CREB5: variants seen among roughly 807,000 people sequenced by gnomAD.
The protein encoded by CREB5 is cAMP responsive element binding protein 5.
In CREB5, 19 loss-of-function variants were observed where a neutral mutation model predicts 57.1. That is an observed-to-expected ratio of 0.33 (90% confidence interval 0.23 to 0.49). The LOEUF (loss-of-function observed/expected upper bound fraction) is 0.49. Ranked by LOEUF, CREB5 falls within the 20% of genes least tolerant of loss-of-function variation. The pLI, the probability that CREB5 is intolerant of heterozygous loss-of-function variation, is 0.99. For missense variants in CREB5, 579 were observed against 671.6 expected (o/e 0.86, Z 1.52); for synonymous variants, 238 against 238.3 (o/e 1.00, Z 0.01).
chr7:28,680,129 T>TGA (rs1282747456), intron 5 of CREB5, among the ~76,000 whole-genome samples: 1 of 152,226 alleles, frequency 6.6e-6, no homozygotes, highest in African/African-American at 2.4e-5. Flanking sequence ...GACCTGCACC[T>TGA]GAGAGTGAGT....
At chr7:28,564,616 A>G (rs1795410531) in intron 4 of CREB5, among the ~76,000 whole-genome samples, 1 of 152,210 alleles carries the variant, frequency 6.6e-6, no homozygotes, top group Admixed American at 6.5e-5. Flanking sequence ...AGAGCAAAGC[A>G]TCCCAAGATA....
intron 4 of CREB5, among the ~76,000 whole-genome samples, chr7:28,549,884 C>T (rs1370173227): frequency 6.6e-6 from 1 of 152,156 alleles, no homozygotes; most frequent in African/African-American, 2.4e-5. Flanking sequence ...TGTGAGCCAG[C>T]AGATGTCACA....
intron 4 of CREB5, among the ~76,000 whole-genome samples, chr7:28,562,602 T>C (rs1052190069): frequency 1.3e-5 from 2 of 152,332 alleles, no homozygotes; most frequent in Non-Finnish European, 2.9e-5. Flanking sequence ...ATTATATCAG[T>C]GTGCAAGCTG....
At chr7:28,714,976 T>C (rs1336375225) in intron 5 of CREB5, among the ~76,000 whole-genome samples, 1 of 152,238 alleles carries the variant, frequency 6.6e-6, no homozygotes, top group East Asian at 1.9e-4. Context: ...GTTGGGTCTT[T>C]GTTTTCACAA....
chr7:28,732,843 GT>G lies in CREB5; in HGVS notation c.702+8524del, dbSNP rs60106222. 1.2e-3 allele frequency among the ~76,000 whole-genome samples: 175 copies of G among 141,498 alleles called. 1 individual carries two copies. The highest frequency in any genetic ancestry group is 5.5e-3 in the East Asian group (26 of 4,760). 92.8% of individuals were successfully genotyped at this position (141,498 alleles called of 152,430 possible). The stretch of plus-strand genomic sequence containing the variant: ...AAAGTTTTCCTAAAGGTTTAGGGTT[GT>G]TTTTTTTTTTTTCTTAAAACCCAAG... On this transcript the variant is annotated intron_variant, in intron 7 of 10. Transcript: ENST00000357727.
intron 1 of CREB5, among the ~76,000 whole-genome samples, chr7:28,363,650 G>T (rs117946355): frequency 6.6e-6 from 1 of 151,778 alleles, no homozygotes; most frequent in Non-Finnish European, 1.5e-5. Flanking sequence ...ACTCATTTTT[G>T]TATCCTCCTT....
At position 28,339,916 on chromosome 7, in the gene CREB5, C is replaced by T. The variant is rs182750384; in HGVS notation, c.-25+40475C>T. Among the ~76,000 whole-genome samples the T allele has an allele frequency of 4.8e-4, 73 of 152,332 alleles. 1 individual carries two copies. The South Asian group carries it at 9.7e-3, about 20-fold the overall frequency. ...AAGGAGTCTCTCCCCATGGCCTGTG[C>T]CACCACAGGCCCACGGGCAGTACTG... On this transcript the variant is annotated intron_variant, in intron 1 of 9. Coordinates refer to the CREB5 transcript ENST00000396299.
At chr7:28,710,151 T>TA (rs1802331147) in intron 5 of CREB5, among the ~76,000 whole-genome samples, 1 of 152,226 alleles carries the variant, frequency 6.6e-6, no homozygotes, top group South Asian at 2.1e-4. Context: ...GGGGTGTTGA[T>TA]AAAAACTACA....
chr7:28,807,055 C>A lies in CREB5; in HGVS notation c.1027-2132C>A, dbSNP rs191407222. Among the ~76,000 whole-genome samples the A allele has an allele frequency of 3.3e-5, 5 of 152,330 alleles. No homozygotes were observed. In the East Asian group the frequency reaches 9.6e-4, roughly 29 times the overall value. On this transcript the variant is annotated intron_variant, in intron 8 of 10. Coordinates refer to ENST00000357727, the MANE Select transcript of CREB5 (RefSeq NM_182898.4). The stretch of plus-strand genomic sequence containing the variant: ...GCCAATAACAAGGATGACGCCTTCA[C>A]TAGCAACTCTGATGAGTAAGACCTT...
intron 5 of CREB5, among the ~76,000 whole-genome samples, chr7:28,635,004 G>C (rs1030239107): frequency 2.0e-5 from 3 of 152,142 alleles, no homozygotes; most frequent in African/African-American, 7.2e-5. Flanking sequence ...GAGGCAGGTA[G>C]TCCAGGGCTG....
intron 7 of CREB5, among the ~76,000 whole-genome samples, chr7:28,751,038 C>T (rs1183847213): frequency 6.6e-6 from 1 of 152,028 alleles, no homozygotes; most frequent in Non-Finnish European, 1.5e-5. Context: ...AATGCCATAT[C>T]GCTGGGTGAA....
At chr7:28,622,452 A>T (rs1185745661) in intron 5 of CREB5, among the ~76,000 whole-genome samples, 1 of 152,194 alleles carries the variant, frequency 6.6e-6, no homozygotes, top group East Asian at 1.9e-4. Context: ...AAATGAAGGG[A>T]CATGCAAAGG....
intron 5 of CREB5, among the ~76,000 whole-genome samples, chr7:28,676,479 G>A (rs1281488042): frequency 6.6e-6 from 1 of 152,114 alleles, no homozygotes; most frequent in Non-Finnish European, 1.5e-5. Context: ...CTCACAGGTC[G>A]CGATCCTCAT....
At chr7:28,674,877 T>C (rs773655699) in intron 5 of CREB5, among the ~76,000 whole-genome samples, 5 of 152,230 alleles carry the variant, frequency 3.3e-5, no homozygotes, top group Admixed American at 6.5e-5. Context: ...TTCTCACCAA[T>C]TAAAATAGAA....
At chr7:28,720,999 G>A in intron 6 of CREB5, among the ~76,000 whole-genome samples, 1 of 152,136 alleles carries the variant, frequency 6.6e-6, no homozygotes, top group East Asian at 1.9e-4. Context: ...CCTACAGCTT[G>A]ACCTCCTGTT....
chr7:28,674,359 T>C (rs1332150684), intron 5 of CREB5, among the ~76,000 whole-genome samples: 1 of 152,150 alleles, frequency 6.6e-6, no homozygotes, highest in Non-Finnish European at 1.5e-5. Context: ...AATGTGTACT[T>C]TGGAGTCATC....
intron 1 of CREB5, among the ~76,000 whole-genome samples, chr7:28,483,360 G>A (rs1296741262): frequency 6.6e-6 from 1 of 152,186 alleles, no homozygotes; most frequent in Non-Finnish European, 1.5e-5. Flanking sequence ...GAATCCAGTG[G>A]CAGTCGAGGG....
intron 7 of CREB5, among the ~76,000 whole-genome samples, chr7:28,785,739 A>T (rs1807285823): frequency 6.6e-6 from 1 of 152,112 alleles, no homozygotes. Flanking sequence ...ATGGGGTGGG[A>T]GTGGGTCAGT....
intron 1 of CREB5, 70 bp downstream of exon 1, chr7:28,412,987 T>A (rs543222782): frequency 1.5e-6 from 2 of 1,307,364 alleles, no homozygotes; most frequent in African/African-American, 1.5e-5. Flanking sequence ...AGAACCAATG[T>A]TGTATTTTCA....
Sources: gnomAD v4.1 joint callset for allele counts (sites outside exome capture counted in the v4.1 genomes callset) on GRCh38, gnomAD v4.1.1 for gene constraint, MANE v1.5 for transcripts, NCBI Gene and HGNC (gene_info 2026-07-23, HGNC 2026-07-21) for gene names.